CLVS1: variants seen among roughly 807,000 people sequenced by gnomAD.
CLVS1 encodes the protein clavesin-1.
Under a neutral mutation model 33.1 loss-of-function variants are expected in CLVS1, and 10 were observed. That is an observed-to-expected ratio of 0.30 (90% CI 0.19 to 0.51). The LOEUF is 0.51. Among genes scored for constraint, CLVS1 ranks in the 20% least tolerant of loss-of-function variants. The pLI is 0.97. For synonymous variants in CLVS1, 163 were observed against 166.1 expected, an observed-to-expected ratio of 0.98 and a Z score of 0.14; for missense variants, 343 against 433.4, an observed-to-expected ratio of 0.79 and a Z score of 1.85.
the CLVS1 span, among the ~76,000 whole-genome samples, chr8:60,978,002 T>A: frequency 1.3e-5 from 2 of 152,340 alleles, no homozygotes; most frequent in South Asian, 4.1e-4. Context: ...GAATTCCTTA[T>A]GTAAAGTCCT....
intron 1 of CLVS1, among the ~76,000 whole-genome samples, chr8:61,062,357 T>C (rs1447992517): frequency 6.6e-6 from 1 of 152,222 alleles, no homozygotes; most frequent in East Asian, 1.9e-4. Context: ...AAGCCAGGCG[T>C]AGAGACAGGG....
intron 2 of CLVS1, among the ~76,000 whole-genome samples, chr8:61,187,523 C>T (rs1352526588): frequency 6.6e-6 from 1 of 152,108 alleles, no homozygotes; most frequent in Non-Finnish European, 1.5e-5. Context: ...GTACATTACT[C>T]ATCTCACTCA....
At chr8:61,429,782 AATACTT>A (rs1299945639) in intron 3 of CLVS1, among the ~76,000 whole-genome samples, 1 of 152,210 alleles carries the variant, frequency 6.6e-6, no homozygotes, top group African/African-American at 2.4e-5. Flanking sequence ...GGTGGTATAA[AATACTT>A]ATAAGAATTT....
chr8:61,206,459 T>C (rs2171254), intron 2 of CLVS1, among the ~76,000 whole-genome samples: 96,325 of 152,142 alleles, frequency 0.63, 33,083 homozygotes, highest in East Asian at 0.97. Flanking sequence ...TAATATTTTA[T>C]TCAGCATTGA....
intron 3 of CLVS1, among the ~76,000 whole-genome samples, chr8:61,381,129 A>C (rs1813860895): frequency 6.7e-6 from 1 of 149,542 alleles, no homozygotes; most frequent in East Asian, 2.0e-4. Flanking sequence ...GCGTTCCTTA[A>C]CTCTTTATTC....
In CLVS1 at chr8:61,357,489, C is replaced by CTTTT. The variant is rs1462908906; in HGVS notation, c.456-19115_456-19112dup. ...TTTTCCTTCTTTTTCTTTCCTTTTT[C>CTTTT]TTTTCTTTTTTTTTTTTTTTTTTTT... On this transcript the variant is annotated intron_variant, in intron 2 of 5. Coordinates refer to ENST00000325897, the MANE Select transcript of CLVS1 (RefSeq NM_173519.3). Among the ~76,000 whole-genome samples, 17 of 30,248 alleles carry CTTTT rather than the reference C, an allele frequency of 5.6e-4. 1 individual carries two copies. In the East Asian group the frequency reaches 9.7e-3, roughly 17 times the overall value. The allele number at this position is 30,248 out of a possible 152,430, so 19.8% of individuals were successfully genotyped here.
chr8:61,476,022 C>T (rs1193316917), intron 5 of CLVS1, among the ~76,000 whole-genome samples: 1 of 152,152 alleles, frequency 6.6e-6, no homozygotes, highest in Non-Finnish European at 1.5e-5. Flanking sequence ...TATGGCTAGC[C>T]AGTTTTCCCA....
At chr8:60,969,167 C>G in the CLVS1 span, among the ~76,000 whole-genome samples, 2 of 152,146 alleles carry the variant, frequency 1.3e-5, no homozygotes, top group African/African-American at 2.4e-5. Flanking sequence ...GGTCTCTTAT[C>G]AGGAGAAAGT....
intron 2 of CLVS1, among the ~76,000 whole-genome samples, chr8:61,181,142 G>T (rs1271494520): frequency 6.6e-6 from 1 of 152,142 alleles, no homozygotes; most frequent in African/African-American, 2.4e-5. Context: ...AAAGTCTCAG[G>T]ATACAAAATC....
chr8:61,499,828 G>GA lies in CLVS1; in HGVS notation c.*292dup, dbSNP rs937084628. ...CCTTTCATATTTATTGTAGTAAATT[G>GA]AAAAAATAAAGACTAAATTTGATGG... is the stretch of plus-strand genomic sequence containing the variant. On this transcript the variant is annotated 3_prime_UTR_variant, in exon 6 of 6. Coordinates refer to ENST00000325897, the MANE Select transcript of CLVS1 (RefSeq NM_173519.3). 4 of 240,488 alleles carry GA rather than the reference G, an allele frequency of 1.7e-5. No individual in the cohort carries two copies. The highest frequency in any genetic ancestry group is 1.1e-4 in the South Asian group (1 of 8,994). 14.9% of individuals were successfully genotyped at this position (240,488 alleles called of 1,614,324 possible).
rs555664656 is a variant in CLVS1, at chr8:61,418,460, C to CGT, written c.631-35681_631-35680insGT. On this transcript the variant is annotated intron_variant, in intron 3 of 5. Coordinates refer to ENST00000325897, the MANE Select transcript of CLVS1 (RefSeq NM_173519.3). Reference sequence around the variant, plus strand: ...AATAAAAGCAAAGACAATTTTCTCCCTTACCCCCTCCATTACCACTCTTCT... The same window carrying CGT: ...AATAAAAGCAAAGACAATTTTCTCCCGTTTACCCCCTCCATTACCACTCTTCT... Among the ~76,000 whole-genome samples the CGT allele has an allele frequency of 2.2e-3, 341 of 152,306 alleles. 1 individual carries two copies. The highest frequency in any genetic ancestry group is 8.0e-3 in the African/African-American group (334 of 41,572).
chr8:60,999,502 A>G, the CLVS1 span, among the ~76,000 whole-genome samples: 1 of 152,234 alleles, frequency 6.6e-6, no homozygotes, highest in Admixed American at 6.5e-5. Context: ...AAATGGAGCC[A>G]GTGATCATCT....
intron 2 of CLVS1, among the ~76,000 whole-genome samples, chr8:61,368,758 T>C (rs1439499156): frequency 6.6e-6 from 1 of 152,240 alleles, no homozygotes; most frequent in Non-Finnish European, 1.5e-5. Context: ...TTGAATATAA[T>C]AGTATTCAAT....
At chr8:61,376,039 C>T (rs1041885604) in intron 2 of CLVS1, among the ~76,000 whole-genome samples, 5 of 152,188 alleles carry the variant, frequency 3.3e-5, no homozygotes, top group African/African-American at 1.2e-4. Flanking sequence ...AGTCATACTT[C>T]CTGTTTTATT....
At chr8:61,374,381 A>G (rs1438162098) in intron 2 of CLVS1, among the ~76,000 whole-genome samples, 1 of 151,996 alleles carries the variant, frequency 6.6e-6, no homozygotes, top group Non-Finnish European at 1.5e-5. Context: ...CTCTGTGTTT[A>G]TGCTCTTCCT....
intron 3 of CLVS1, among the ~76,000 whole-genome samples, chr8:61,435,828 G>C (rs1049096546): frequency 2.0e-5 from 3 of 151,850 alleles, no homozygotes; most frequent in African/African-American, 7.3e-5. Flanking sequence ...TTAAGAAGGA[G>C]ATCAAAACCA....
intron 3 of CLVS1, among the ~76,000 whole-genome samples, chr8:61,408,906 A>G (rs1052993379): frequency 2.0e-5 from 3 of 152,188 alleles, no homozygotes; most frequent in Admixed American, 6.6e-5. Context: ...GTTTATGGGG[A>G]AACGATGGTC....
chr8:60,975,673 TG>T, the CLVS1 span, among the ~76,000 whole-genome samples: 5 of 152,338 alleles, frequency 3.3e-5, no homozygotes, highest in Admixed American at 2.0e-4. Context: ...CATAATTTCT[TG>T]TTTTGAGCTG....
the CLVS1 span, among the ~76,000 whole-genome samples, chr8:60,972,243 A>G: frequency 6.6e-6 from 1 of 152,160 alleles, no homozygotes; most frequent in Non-Finnish European, 1.5e-5. Flanking sequence ...TGCAAAAATC[A>G]TAACAGTGAA....
Sources: gnomAD v4.1 joint callset for allele counts (sites outside exome capture counted in the v4.1 genomes callset) on GRCh38, gnomAD v4.1.1 for gene constraint, MANE v1.5 for transcripts, NCBI Gene and HGNC (gene_info 2026-07-23, HGNC 2026-07-21) for gene names.